The following BMPR1B variants were observed in gnomAD, a reference collection of about 807,000 sequenced individuals.
The protein encoded by BMPR1B is bone morphogenetic protein receptor type 1B.
A neutral mutation model predicts 59.1 loss-of-function variants in BMPR1B; 12 were observed. The ratio of observed to expected loss-of-function variants is 0.20; its 90% CI spans 0.13 to 0.33. The LOEUF (loss-of-function observed/expected upper bound fraction) is 0.33. Ranked by LOEUF, BMPR1B falls within the 10% of genes least tolerant of loss-of-function variation. BMPR1B has a pLI of 1.00. For missense variants in BMPR1B, 550 were observed against 610.9 expected (o/e 0.90, Z 1.05); for synonymous variants, 237 against 207.3 (o/e 1.14, Z -1.23).
chr4:95,061,176 C>T (rs1329960975), intron 3 of BMPR1B, among the ~76,000 whole-genome samples: 1 of 81,036 alleles, frequency 1.2e-5, no homozygotes, highest in Middle Eastern at 5.0e-3. Context: ...CACACACACA[C>T]ACACACACAC....
Position 95,082,882 on chromosome 4 carries a change from C to CA in BMPR1B, c.-17-21520dup, listed in dbSNP as rs578183040. ...TGAAGCCTCGTCTCTACTAAAAATA[C>CA]AAAAAATTAGCCGGGTGTGGTGGCG... On this transcript the variant is annotated intron_variant, in intron 3 of 12. Transcript: ENST00000515059. Among the ~76,000 whole-genome samples, 391 of 151,454 alleles carry CA rather than the reference C, an allele frequency of 2.6e-3. 1 individual carries two copies. The highest frequency in any genetic ancestry group is 0.02 in the Middle Eastern group (6 of 294).
chr4:94,983,830 G>A (rs1336033508), intron 2 of BMPR1B, among the ~76,000 whole-genome samples: 1 of 152,180 alleles, frequency 6.6e-6, no homozygotes, highest in Admixed American at 6.5e-5. Context: ...TATTGTAATT[G>A]TAGTGATGTA....
intron 1 of BMPR1B, among the ~76,000 whole-genome samples, chr4:94,839,898 C>T (rs1418016298): frequency 6.6e-6 from 1 of 151,338 alleles, no homozygotes; most frequent in Non-Finnish European, 1.5e-5. Context: ...GTGGCTGGTA[C>T]CGGTTGTTCC....
rs894270796 is a variant in BMPR1B at position 95,116,429 on chromosome 4, A to G, written c.349+642A>G. On this transcript the variant is annotated intron_variant, in intron 6 of 12. Coordinates refer to ENST00000515059, the MANE Select transcript of BMPR1B (RefSeq NM_001203.3). ...CCATGCTTTCAGCGCGCGCACACAC[A>G]CACACACACACACACACACACACAC... Among the ~76,000 whole-genome samples the G allele has an allele frequency of 1.4e-3, 206 of 144,518 alleles. 1 individual carries two copies. The Middle Eastern group carries it at 0.017, about 12-fold the overall frequency. 94.8% of individuals were successfully genotyped at this position (144,518 alleles called of 152,430 possible). A position where few individuals can be genotyped will look rare whatever the true frequency, so the allele number is the denominator to read the frequency against.
chr4:95,126,628 C>T (rs1038628074), intron 8 of BMPR1B, among the ~76,000 whole-genome samples: 59 of 152,240 alleles, frequency 3.9e-4, no homozygotes, highest in African/African-American at 1.4e-3. Context: ...GTGCTCTTAA[C>T]ATTAGTGAGA....
intron 1 of BMPR1B, among the ~76,000 whole-genome samples, chr4:94,864,625 CT>C (rs1172044763): frequency 6.6e-6 from 1 of 152,084 alleles, no homozygotes; most frequent in Non-Finnish European, 1.5e-5. Flanking sequence ...CTTAGAATTT[CT>C]TGTCTGTAGA....
intron 2 of BMPR1B, among the ~76,000 whole-genome samples, chr4:94,963,528 A>G (rs1730448424): frequency 6.6e-6 from 1 of 152,198 alleles, no homozygotes; most frequent in Admixed American, 6.5e-5. Context: ...TATATGGCAC[A>G]AGATGGGATC....
intron 2 of BMPR1B, chr4:94,995,768 G>T (rs716191): frequency 0.44 from 66,849 of 152,060 alleles, 15,209 homozygotes; most frequent in East Asian, 0.73. Context: ...GCACAGGGTT[G>T]CTGGGTAGTG....
In BMPR1B at chr4:94,834,668, C is replaced by T. The variant is rs953268970; in HGVS notation, c.-182-41163C>T. 2.2e-5 allele frequency among the ~76,000 whole-genome samples: 3 copies of T among 137,990 alleles called. No individual in the cohort carries two copies. The South Asian group carries it at 7.0e-4, about 32-fold the overall frequency. The allele number at this position is 137,990 out of a possible 152,430, so 90.5% of individuals were successfully genotyped here. On this transcript the variant is annotated intron_variant, in intron 1 of 12. Transcript: ENST00000515059. ...TTGGTGTAGTTTAGAACCTTATGAACTGGAACCAATAAAACGGTTCACCAG... is the reference window on the plus strand; with the variant it reads ...TTGGTGTAGTTTAGAACCTTATGAATTGGAACCAATAAAACGGTTCACCAG...
chr4:94,863,626 A>G (rs1429863160), intron 1 of BMPR1B, among the ~76,000 whole-genome samples: 9 of 152,174 alleles, frequency 5.9e-5, no homozygotes, highest in Non-Finnish European at 1.0e-4. Flanking sequence ...GACATAATAT[A>G]TTTTAAAATG....
intron 2 of BMPR1B, among the ~76,000 whole-genome samples, chr4:94,890,079 C>T (rs181917790): frequency 9.9e-5 from 15 of 152,088 alleles, no homozygotes; most frequent in African/African-American, 2.6e-4. Flanking sequence ...TTTCTGTCTT[C>T]GTGAATAGAG....
intron 1 of BMPR1B, among the ~76,000 whole-genome samples, chr4:94,839,899 C>A (rs146645953): frequency 6.6e-6 from 1 of 150,998 alleles, no homozygotes; most frequent in Non-Finnish European, 1.5e-5. Flanking sequence ...TGGCTGGTAC[C>A]GGTTGTTCCT....
At chr4:94,880,531 C>T (rs1726916060) in intron 2 of BMPR1B, among the ~76,000 whole-genome samples, 1 of 151,964 alleles carries the variant, frequency 6.6e-6, no homozygotes, top group South Asian at 2.1e-4. Flanking sequence ...TACGGTGTTG[C>T]CCAGGCTGGT....
intron 3 of BMPR1B, among the ~76,000 whole-genome samples, chr4:95,059,891 A>T (rs140831542): frequency 2.6e-5 from 4 of 152,302 alleles, no homozygotes; most frequent in African/African-American, 9.6e-5. Flanking sequence ...GTGTGGCAAA[A>T]TAGACCTGAG....
At chr4:95,113,277 G>T (rs976816149) in intron 4 of BMPR1B, among the ~76,000 whole-genome samples, 1 of 152,154 alleles carries the variant, frequency 6.6e-6, no homozygotes. Flanking sequence ...TGACCTTGGT[G>T]TAAGAGAGGG....
intron 1 of BMPR1B, among the ~76,000 whole-genome samples, chr4:94,769,307 A>G (rs1722082099): frequency 6.6e-6 from 1 of 152,218 alleles, no homozygotes; most frequent in African/African-American, 2.4e-5. Context: ...CTAAAGAGAA[A>G]GATGTTTAAA....
chr4:94,841,410 G>A (rs773070232), intron 1 of BMPR1B, among the ~76,000 whole-genome samples: 1 of 151,010 alleles, frequency 6.6e-6, no homozygotes, highest in Non-Finnish European at 1.5e-5. Context: ...TAGCAATCAG[G>A]GAGACTCCAT....
At chr4:95,103,481 T>C (rs373517089) in intron 3 of BMPR1B, 1 of 985,246 alleles carries the variant, frequency 1.0e-6, no homozygotes, top group African/African-American at 1.7e-5. Flanking sequence ...ACATGGCATG[T>C]ATAAGAGCTC....
chr4:94,770,181 TG>T (rs1486724454), intron 1 of BMPR1B, among the ~76,000 whole-genome samples: 10,219 of 41,338 alleles, frequency 0.25, 966 homozygotes, highest in African/African-American at 0.36. Context: ...TTCGTTTCTG[TG>T]TTTGTTTTTT....
Sources: allele counts gnomAD v4.1 joint callset (sites outside exome capture counted in the v4.1 genomes callset), GRCh38; gene constraint gnomAD v4.1.1; transcripts MANE v1.5; gene names NCBI Gene and HGNC (gene_info 2026-07-23, HGNC 2026-07-21).